TMEM178B: variants seen among roughly 807,000 people sequenced by gnomAD.
TMEM178B encodes transmembrane protein 178B.
A neutral mutation model predicts 31.0 loss-of-function variants in TMEM178B; 5 were observed. That is an observed-to-expected ratio of 0.16 (90% CI 0.08 to 0.34). The LOEUF (loss-of-function observed/expected upper bound fraction) is 0.34. TMEM178B is among the 10% of genes least tolerant of loss of function. The pLI is 1.00. For missense variants in TMEM178B, 275 were observed against 400.3 expected (o/e 0.69, Z 2.67); for synonymous variants, 164 against 164.0 (o/e 1.00, Z 0.00).
chr7:141,179,548 T>C (rs1312756436), intron 1 of TMEM178B, among the ~76,000 whole-genome samples: 1 of 152,242 alleles, frequency 6.6e-6, no homozygotes, highest in Non-Finnish European at 1.5e-5. Flanking sequence ...GTGAACTTGC[T>C]GACAGCAAAA....
At chr7:141,395,069 C>G (rs932931265) in intron 2 of TMEM178B, among the ~76,000 whole-genome samples, 3 of 152,210 alleles carry the variant, frequency 2.0e-5, no homozygotes, top group Non-Finnish European at 1.5e-5. Context: ...TTCCAATTGC[C>G]TTGTCCAGAC....
chr7:141,086,976 C>T (rs192513601), intron 1 of TMEM178B, among the ~76,000 whole-genome samples: 15 of 152,270 alleles, frequency 9.9e-5, no homozygotes, highest in Middle Eastern at 6.8e-3. Flanking sequence ...GTGTGAGCCA[C>T]CGCATCTGGC....
intron 2 of TMEM178B, among the ~76,000 whole-genome samples, chr7:141,349,947 GCATCCATGCATC>G: frequency 6.6e-6 from 1 of 151,176 alleles, no homozygotes. Context: ...ATCCATCCAT[GCATCCATGCATC>G]CATCCATCCA....
chr7:141,289,373 A>G (rs1237116731), intron 2 of TMEM178B, among the ~76,000 whole-genome samples: 2 of 152,176 alleles, frequency 1.3e-5, no homozygotes, highest in African/African-American at 2.4e-5. Context: ...ATATATTATC[A>G]TGACCTTTGG....
At chr7:141,338,137 G>A (rs980202610) in intron 2 of TMEM178B, among the ~76,000 whole-genome samples, 2 of 152,030 alleles carry the variant, frequency 1.3e-5, no homozygotes, top group Non-Finnish European at 2.9e-5. Flanking sequence ...GTGCCCGGCC[G>A]ATTTGATATT....
At chr7:141,370,733 G>A (rs1166209278) in intron 2 of TMEM178B, among the ~76,000 whole-genome samples, 2 of 152,230 alleles carry the variant, frequency 1.3e-5, no homozygotes, top group African/African-American at 4.8e-5. Context: ...TGACCCCTTA[G>A]AGTTTGTGTA....
intron 1 of TMEM178B, among the ~76,000 whole-genome samples, chr7:141,090,293 TC>T (rs1739777739): frequency 6.6e-6 from 1 of 152,270 alleles, no homozygotes; most frequent in Non-Finnish European, 1.5e-5. Flanking sequence ...CAAGGGGTCC[TC>T]CCACCTCAGC....
chr7:141,231,823 G>A (rs988093242), intron 2 of TMEM178B, among the ~76,000 whole-genome samples: 4 of 152,068 alleles, frequency 2.6e-5, no homozygotes, highest in African/African-American at 9.7e-5. Context: ...TTAAGTTCCG[G>A]GGCACATGTG....
chr7:141,231,251 CCTT>C (rs1797438193), intron 2 of TMEM178B, among the ~76,000 whole-genome samples: 1 of 151,422 alleles, frequency 6.6e-6, no homozygotes, highest in African/African-American at 2.4e-5. Flanking sequence ...ACAAACAAAG[CCTT>C]CTCAAAGTTC....
chr7:141,506,927 C>T, the TMEM178B span, among the ~76,000 whole-genome samples: 2 of 152,098 alleles, frequency 1.3e-5, no homozygotes, highest in African/African-American at 2.4e-5. Flanking sequence ...TGTTACAGGG[C>T]CCATGCAAGT....
chr7:141,260,416 T>C (rs1797994404), intron 2 of TMEM178B, among the ~76,000 whole-genome samples: 1 of 152,224 alleles, frequency 6.6e-6, no homozygotes, highest in Non-Finnish European at 1.5e-5. Context: ...TTTATATTTT[T>C]TTTTGACCAT....
chr7:141,147,535 G>T (rs1795873801), intron 1 of TMEM178B, among the ~76,000 whole-genome samples: 1 of 152,198 alleles, frequency 6.6e-6, no homozygotes, highest in Non-Finnish European at 1.5e-5. Flanking sequence ...GAAGGCTATT[G>T]TGGAAATCAA....
chr7:141,369,216 T>C (rs375781328), intron 2 of TMEM178B, among the ~76,000 whole-genome samples: 15 of 152,108 alleles, frequency 9.9e-5, no homozygotes, highest in East Asian at 9.6e-4. Flanking sequence ...GTTGAATTAA[T>C]AAAGATGTAG....
At chr7:141,129,802 G>C (rs767007625) in intron 1 of TMEM178B, among the ~76,000 whole-genome samples, 2 of 152,112 alleles carry the variant, frequency 1.3e-5, no homozygotes, top group African/African-American at 2.4e-5. Flanking sequence ...ATACATTTGA[G>C]AAATACATTG....
In TMEM178B at chr7:141,113,306, C is replaced by T. The variant is rs778618356; in HGVS notation, c.382+38614C>T. 3.4e-4 allele frequency among the ~76,000 whole-genome samples: 51 copies of T among 152,198 alleles called. 1 individual carries two copies. The highest frequency in any genetic ancestry group is 9.9e-4 in the African/African-American group (41 of 41,450). The stretch of plus-strand genomic sequence containing the variant: ...CAGGAGGGGTACCCTCAGAGCCCTG[C>T]GCTCTGTCCCATCTGTCCCATCACT... On this transcript the variant is annotated intron_variant, in intron 1 of 3. Coordinates refer to ENST00000565468, the MANE Select transcript of TMEM178B (RefSeq NM_001195278.2).
At chr7:141,390,904 A>G (rs1255488472) in intron 2 of TMEM178B, among the ~76,000 whole-genome samples, 1 of 152,236 alleles carries the variant, frequency 6.6e-6, no homozygotes, top group East Asian at 1.9e-4. Context: ...TATGGAGAAT[A>G]CAAACAATAT....
intron 2 of TMEM178B, among the ~76,000 whole-genome samples, chr7:141,218,998 T>C (rs1797210312): frequency 6.6e-6 from 1 of 152,204 alleles, no homozygotes. Flanking sequence ...CCAGCCATCC[T>C]TGTTATGAGA....
At chr7:141,220,214 GA>G (rs1289411671) in intron 2 of TMEM178B, among the ~76,000 whole-genome samples, 1 of 32,522 alleles carries the variant, frequency 3.1e-5, no homozygotes. Context: ...GGCTGAGGCA[GA>G]GGCAGGAGAA....
intron 2 of TMEM178B, among the ~76,000 whole-genome samples, chr7:141,291,566 T>C (rs902706160): frequency 3.3e-5 from 5 of 152,106 alleles, no homozygotes; most frequent in Admixed American, 1.3e-4. Flanking sequence ...GGTAAGAAAA[T>C]TGACATCAAG....
Sources: gnomAD v4.1 joint callset for allele counts (sites outside exome capture counted in the v4.1 genomes callset) on GRCh38, gnomAD v4.1.1 for gene constraint, MANE v1.5 for transcripts, NCBI Gene and HGNC (gene_info 2026-07-23, HGNC 2026-07-21) for gene names.